The following SPATS2L variants were observed in gnomAD, a reference collection of about 807,000 sequenced individuals.
SPATS2L encodes SPATS2-like protein.
SPATS2L carries 30 observed loss-of-function variants against 59.6 expected under a neutral mutation model. The observed-to-expected ratio is 0.50, with a 90% CI of 0.38 to 0.68. The LOEUF (loss-of-function observed/expected upper bound fraction) is 0.68, where lower values mean the gene tolerates loss of function less well. SPATS2L is among the 30% of genes least tolerant of loss of function. The pLI, the probability that SPATS2L is intolerant of heterozygous loss-of-function variation, is 0.00. For synonymous variants in SPATS2L, 252 were observed against 263.5 expected (o/e 0.96, Z 0.42); for missense variants, 615 against 700.0 (o/e 0.88, Z 1.37).
chr2:200,440,842 A>G, intron 8 of SPATS2L, 58 bp downstream of exon 8: 1 of 1,563,984 alleles, frequency 6.4e-7, no homozygotes, highest in Admixed American at 1.9e-5. Context: ...TCCAACAGGT[A>G]AAAGTATCAG....
chr2:200,341,914 TCTC>T (rs1349257420), intron 2 of SPATS2L, among the ~76,000 whole-genome samples: 1 of 151,796 alleles, frequency 6.6e-6, no homozygotes, highest in Non-Finnish European at 1.5e-5. Context: ...ATGGTCTTGA[TCTC>T]CTGACCACGA....
At chr2:200,330,806 T>A (rs764174175) in intron 2 of SPATS2L, among the ~76,000 whole-genome samples, 4 of 152,220 alleles carry the variant, frequency 2.6e-5, no homozygotes, top group Non-Finnish European at 4.4e-5. Context: ...CAGCTGCCTG[T>A]CACTAATCAT....
At chr2:200,346,245 G>C (rs564805036) in intron 2 of SPATS2L, among the ~76,000 whole-genome samples, 17 of 152,346 alleles carry the variant, frequency 1.1e-4, no homozygotes, top group Admixed American at 2.6e-4. Flanking sequence ...TTAGTGGAAA[G>C]AGTATTATAG....
intron 2 of SPATS2L, among the ~76,000 whole-genome samples, chr2:200,388,696 GAA>G (rs1253798701): frequency 7.5e-6 from 1 of 133,738 alleles, no homozygotes; most frequent in African/African-American, 2.7e-5. Flanking sequence ...TAGAAAAGTT[GAA>G]AAAAAAAAAA....
chr2:200,315,364 G>T (rs888378846), intron 1 of SPATS2L, among the ~76,000 whole-genome samples: 3 of 152,178 alleles, frequency 2.0e-5, no homozygotes, highest in African/African-American at 4.8e-5. Flanking sequence ...GAAGTGGGAG[G>T]CAGGAATTCT....
Position 200,418,576 on chromosome 2 carries a change from TTAAA to T in SPATS2L, c.199-670_199-667del, listed in dbSNP as rs1553527085. ...GCGACAGAGCCAGAGTGAGACCTTA[TTAAA>T]TAATAAATAAATAAATAAATAAATA... On this transcript the variant is annotated intron_variant, in intron 5 of 12. Transcript: ENST00000409140. 4.6e-5 allele frequency among the ~76,000 whole-genome samples: 5 copies of T among 108,906 alleles called. No individual in the cohort carries two copies. The South Asian group carries it at 1.2e-3, about 27-fold the overall frequency. 71.4% of individuals were successfully genotyped at this position (108,906 alleles called of 152,430 possible).
chr2:200,340,248 T>C (rs927428645), intron 2 of SPATS2L, among the ~76,000 whole-genome samples: 4 of 152,188 alleles, frequency 2.6e-5, no homozygotes, highest in African/African-American at 7.2e-5. Flanking sequence ...CACTCTTTAC[T>C]CTTGCTGCTT....
At chr2:200,417,760 G>C (rs1465571891) in intron 5 of SPATS2L, among the ~76,000 whole-genome samples, 2 of 152,206 alleles carry the variant, frequency 1.3e-5, no homozygotes, top group Admixed American at 1.3e-4. Context: ...GAAAAAAGCA[G>C]GGAGGAGAAT....
chr2:200,460,990 T>TTTTGTATC, intron 9 of SPATS2L: 1 of 152,182 alleles, frequency 6.6e-6, no homozygotes, highest in Non-Finnish European at 1.5e-5. Context: ...TTTTTTGGGT[T>TTTTGTATC]TTTAGTAGAG....
chr2:200,478,013 T>C lies in SPATS2L; in HGVS notation c.1659T>C (p.Ala553=), dbSNP rs1417780418. The C allele has an allele frequency of 3.8e-6, 6 of 1,563,724 alleles. No individual in the cohort carries two copies. Among genetic ancestry groups the C allele is most frequent in the Non-Finnish European group, 5.2e-6 (6 of 1,154,296 alleles). ...STDAAVLSVP[A]VTLVA ...ATGCAGCAGTTCTCTCAGTCCCGGC[T>C]GTGACGTTGGTGGCCTGAGCTAGGA... is the stretch of plus-strand genomic sequence containing the variant. The change falls in exon 13 of 13, where the codon GCT becomes GCC. Residue 553 remains alanine (A), a synonymous_variant. Coordinates refer to ENST00000409140, the MANE Select transcript of SPATS2L (RefSeq NM_001100423.2).
At chr2:200,438,076 T>C (rs1002903062) in intron 6 of SPATS2L, among the ~76,000 whole-genome samples, 4 of 152,240 alleles carry the variant, frequency 2.6e-5, no homozygotes, top group Admixed American at 1.3e-4. Flanking sequence ...TGTTAAAATA[T>C]AAAACCGTGG....
intron 12 of SPATS2L, among the ~76,000 whole-genome samples, chr2:200,477,112 C>A (rs988276329): frequency 1.3e-5 from 2 of 152,068 alleles, no homozygotes; most frequent in African/African-American, 4.8e-5. Context: ...GTGGGGTAGG[C>A]CAGGGGTGGT....
At chr2:200,472,640 C>A (rs1409366267) in intron 11 of SPATS2L, among the ~76,000 whole-genome samples, 192 bp from the exon 12 acceptor site, 1 of 152,200 alleles carries the variant, frequency 6.6e-6, no homozygotes, top group African/African-American at 2.4e-5. Context: ...TTCAGTGATT[C>A]CCACAAAAGA....
At chr2:200,352,595 G>A (rs562947572) in intron 2 of SPATS2L, among the ~76,000 whole-genome samples, 10 of 151,876 alleles carry the variant, frequency 6.6e-5, no homozygotes, top group African/African-American at 2.4e-4. Flanking sequence ...GTTCCTGAAG[G>A]CTCTTTTCCT....
chr2:200,351,299 C>A (rs1468371393), intron 2 of SPATS2L: 1 of 471,128 alleles, frequency 2.1e-6, no homozygotes, highest in African/African-American at 2.0e-5. Flanking sequence ...ATGTAAGTAC[C>A]GGGAATACAG....
rs541773398 is a variant in SPATS2L, at chr2:200,364,077, C to T, written c.-22-25146C>T. ...TGGAATAATGGTCAGAGAGATGGGA[C>T]GCTGCAGGCTTTGAAGATGGGGGAA... On this transcript the variant is annotated intron_variant, in intron 2 of 12. Transcript: ENST00000409140. Among the ~76,000 whole-genome samples, 18 of 152,128 alleles carry T rather than the reference C, an allele frequency of 1.2e-4. No homozygotes were observed. In the South Asian group the frequency reaches 2.3e-3, roughly 19 times the overall value.
chr2:200,406,849 GA>G (rs1265997250), intron 3 of SPATS2L, among the ~76,000 whole-genome samples: 5 of 152,344 alleles, frequency 3.3e-5, no homozygotes, highest in Middle Eastern at 3.4e-3. Flanking sequence ...GAAAGAAGAA[GA>G]GGGGGTAAAA....
chr2:200,451,243 C>T (rs757122634), intron 8 of SPATS2L, among the ~76,000 whole-genome samples: 3 of 151,716 alleles, frequency 2.0e-5, no homozygotes, highest in Admixed American at 6.6e-5. Flanking sequence ...ATCGCCTGAG[C>T]CCAGGAGGCG....
At chr2:200,403,312 CTT>C (rs150329070) in intron 3 of SPATS2L, among the ~76,000 whole-genome samples, 3,058 of 152,268 alleles carry the variant, frequency 0.02, 103 homozygotes, top group African/African-American at 0.07. Flanking sequence ...ATAGTAAAAA[CTT>C]AGGAGGCACA....
Sources: allele counts gnomAD v4.1 joint callset (sites outside exome capture counted in the v4.1 genomes callset), GRCh38; gene constraint gnomAD v4.1.1; transcripts MANE v1.5; gene names NCBI Gene and HGNC (gene_info 2026-07-23, HGNC 2026-07-21).